GPC6: variants seen among roughly 807,000 people sequenced by gnomAD.
GPC6 encodes glypican 6, also known as glypican-6.
GPC6 carries 14 observed loss-of-function variants against 55.2 expected under a neutral mutation model. The ratio of observed to expected loss-of-function variants is 0.25; its 90% CI spans 0.17 to 0.40. GPC6 has a LOEUF of 0.40. GPC6 is among the 10% of genes least tolerant of loss of function. The pLI is 1.00. For missense variants in GPC6, 641 were observed against 708.5 expected (o/e 0.90, Z 1.08); for synonymous variants, 278 against 259.6 (o/e 1.07, Z -0.68).
At chr13:94,075,453 C>T (rs150089087) in intron 4 of GPC6, among the ~76,000 whole-genome samples, 5 of 147,472 alleles carry the variant, frequency 3.4e-5, no homozygotes, top group East Asian at 4.1e-4. Flanking sequence ...TGTGTGTGCG[C>T]GCTAAGAATA....
At chr13:93,542,483 C>T (rs1016721113) in intron 1 of GPC6, among the ~76,000 whole-genome samples, 116 of 152,260 alleles carry the variant, frequency 7.6e-4, no homozygotes, top group African/African-American at 2.7e-3. Context: ...GTTCTTTTGG[C>T]TTATGATTGA....
rs181023109 is a variant in GPC6, at chr13:93,652,074, C to G, written c.319+106653C>G. ...AGAAAAGTAAAACCATATAGAAGTCCTAATTGATCTCAGGCATTTTAAATC... is the reference window on the plus strand; with the variant it reads ...AGAAAAGTAAAACCATATAGAAGTCGTAATTGATCTCAGGCATTTTAAATC... On this transcript the variant is annotated intron_variant, in intron 2 of 8. Coordinates refer to ENST00000377047, the MANE Select transcript of GPC6 (RefSeq NM_005708.5). Among the ~76,000 whole-genome samples the G allele has an allele frequency of 3.3e-5, 5 of 152,244 alleles. No homozygotes were observed. In the East Asian group the frequency reaches 9.7e-4, roughly 29 times the overall value.
chr13:94,112,281 A>G (rs1424665866), intron 4 of GPC6, among the ~76,000 whole-genome samples: 2 of 152,196 alleles, frequency 1.3e-5, no homozygotes, highest in Admixed American at 6.5e-5. Flanking sequence ...AGGGCTACCA[A>G]TTCACAAAAA....
At position 93,800,110 on chromosome 13, in the gene GPC6, A is replaced by G. The variant is rs560252020; in HGVS notation, c.320-30044A>G. Among the ~76,000 whole-genome samples, 5 of 152,264 alleles carry G rather than the reference A, an allele frequency of 3.3e-5. No homozygotes were observed. The South Asian group carries it at 1.0e-3, about 32-fold the overall frequency. On this transcript the variant is annotated intron_variant, in intron 2 of 8. Transcript: ENST00000377047. ...TATTGGCTTTATCTTTCAAGTGTGC[A>G]TTTATTGTATTTTAAGAATGAAGAT... is the stretch of plus-strand genomic sequence containing the variant.
intron 7 of GPC6, among the ~76,000 whole-genome samples, chr13:94,388,318 A>C (rs1269491377): frequency 6.6e-6 from 1 of 152,216 alleles, no homozygotes; most frequent in East Asian, 1.9e-4. Flanking sequence ...TATTAAAAAT[A>C]ACAACAGCAA....
chr13:94,215,374 A>G (rs1890196152), intron 4 of GPC6, among the ~76,000 whole-genome samples: 1 of 152,138 alleles, frequency 6.6e-6, no homozygotes, highest in Non-Finnish European at 1.5e-5. Flanking sequence ...TTCCCAATTC[A>G]TATAACTGTG....
intron 1 of GPC6, among the ~76,000 whole-genome samples, chr13:93,322,410 A>ATTCTT (rs1422516651): frequency 2.1e-5 from 3 of 141,474 alleles, no homozygotes; most frequent in African/African-American, 7.9e-5. Context: ...ATCTAAGTTA[A>ATTCTT]TTCTTTTTTT....
chr13:93,582,148 T>C (rs1323306832), intron 2 of GPC6, among the ~76,000 whole-genome samples: 3 of 152,232 alleles, frequency 2.0e-5, no homozygotes, highest in Non-Finnish European at 2.9e-5. Context: ...CTCCTTGTTA[T>C]TTTTAGTTTT....
At chr13:94,371,356 AAC>A (rs555199920) in intron 6 of GPC6, among the ~76,000 whole-genome samples, 96 of 152,262 alleles carry the variant, frequency 6.3e-4, no homozygotes, top group Middle Eastern at 3.4e-3. Flanking sequence ...TCACCAACCC[AAC>A]ACACACACTT....
intron 3 of GPC6, among the ~76,000 whole-genome samples, chr13:93,994,254 G>A (rs939509818): frequency 2.0e-5 from 3 of 152,044 alleles, no homozygotes; most frequent in Non-Finnish European, 4.4e-5. Context: ...TTTATTCTTG[G>A]TAAGGTTTAT....
At chr13:93,487,669 G>C (rs562432885) in intron 1 of GPC6, among the ~76,000 whole-genome samples, 2 of 152,116 alleles carry the variant, frequency 1.3e-5, no homozygotes, top group African/African-American at 4.8e-5. Flanking sequence ...ATTTGTATTG[G>C]AACACTGTGC....
intron 3 of GPC6, among the ~76,000 whole-genome samples, chr13:93,881,354 A>T (rs1005964710): frequency 1.3e-5 from 2 of 152,118 alleles, no homozygotes. Context: ...TTGCAGACGT[A>T]ATGAGTAGCC....
intron 1 of GPC6, among the ~76,000 whole-genome samples, chr13:93,394,770 G>A (rs1425589898): frequency 6.6e-6 from 1 of 151,842 alleles, no homozygotes; most frequent in African/African-American, 2.4e-5. Context: ...ATCTGGTCTT[G>A]TTTCTCCATG....
At chr13:93,729,216 T>TC (rs1688748100) in intron 2 of GPC6, among the ~76,000 whole-genome samples, 1 of 152,090 alleles carries the variant, frequency 6.6e-6, no homozygotes, top group African/African-American at 2.4e-5. Flanking sequence ...AGAGGAAAAT[T>TC]CAGTGGGCAA....
intron 3 of GPC6, among the ~76,000 whole-genome samples, chr13:93,912,931 A>T (rs946773797): frequency 1.1e-4 from 17 of 151,988 alleles, no homozygotes; most frequent in African/African-American, 3.9e-4. Context: ...TCTCTACCTC[A>T]GTCCTCACAG....
At chr13:93,685,360 A>G (rs1359982948) in intron 2 of GPC6, among the ~76,000 whole-genome samples, 2 of 152,140 alleles carry the variant, frequency 1.3e-5, no homozygotes, top group Non-Finnish European at 2.9e-5. Context: ...CAATTGCCTT[A>G]TATCCGGGGC....
chr13:93,744,527 TC>T (rs1421218551), intron 2 of GPC6, among the ~76,000 whole-genome samples: 8 of 98,706 alleles, frequency 8.1e-5, no homozygotes, highest in African/African-American at 2.5e-4. Context: ...CTTTCCCTAG[TC>T]TTTTTTTTTT....
rs149942492 is a variant in GPC6 at position 93,967,482 on chromosome 13, G to A, written c.712-60247G>A. Among the ~76,000 whole-genome samples, 681 of 152,222 alleles carry A rather than the reference G, an allele frequency of 4.5e-3. 8 individuals are homozygous for A. Among genetic ancestry groups the A allele is most frequent in the East Asian group, 0.013 (65 of 5,176 alleles). ...CTACATGCTCATATTTGCTTAAAAA[G>A]ACTGAAAATGCTGTGTATCTCTTTT... On this transcript the variant is annotated intron_variant, in intron 3 of 8. Coordinates refer to ENST00000377047, the MANE Select transcript of GPC6 (RefSeq NM_005708.5).
At position 93,325,084 on chromosome 13, in the gene GPC6, C is replaced by T. The variant is rs1298870891; in HGVS notation, c.160+97468C>T. Among the ~76,000 whole-genome samples the T allele has an allele frequency of 2.0e-5, 3 of 147,942 alleles. No individual in the cohort carries two copies. In the East Asian group the frequency reaches 6.8e-4, roughly 34 times the overall value. ...TATGTTTTGGAAAACTTAGGAATATCTCTGGATGAAAGATGAAAAATTTGC... is the reference window on the plus strand; with the variant it reads ...TATGTTTTGGAAAACTTAGGAATATTTCTGGATGAAAGATGAAAAATTTGC... On this transcript the variant is annotated intron_variant, in intron 1 of 8. Transcript: ENST00000377047.
Sources: gnomAD v4.1 joint callset for allele counts (sites outside exome capture counted in the v4.1 genomes callset) on GRCh38, gnomAD v4.1.1 for gene constraint, MANE v1.5 for transcripts, NCBI Gene and HGNC (gene_info 2026-07-23, HGNC 2026-07-21) for gene names.